Variants in SOX5 observed in about 807,000 individuals in gnomAD.
The protein encoded by SOX5 is SRY-box transcription factor 5.
Under a neutral mutation model 92.0 loss-of-function variants are expected in SOX5, and 9 were observed. The observed-to-expected ratio is 0.10, with a 90% CI of 0.06 to 0.17. The LOEUF (loss-of-function observed/expected upper bound fraction) is 0.17. Among genes scored for constraint, SOX5 ranks in the 10% least tolerant of loss-of-function variants. The pLI is 1.00. For synonymous variants in SOX5, 344 were observed against 336.3 expected, an observed-to-expected ratio of 1.02 and a Z score of -0.25; for missense variants, 642 against 944.5, an observed-to-expected ratio of 0.68 and a Z score of 4.20.
chr12:23,847,331 T>G (rs117846426), intron 2 of SOX5, among the ~76,000 whole-genome samples: 5,411 of 152,232 alleles, frequency 0.036, 114 homozygotes, highest in South Asian at 0.055. Context: ...TATTTAATAT[T>G]CAGGATATTA....
chr12:23,975,628 T>C (rs1948814529), intron 4 of SOX5, among the ~76,000 whole-genome samples: 1 of 152,212 alleles, frequency 6.6e-6, no homozygotes, highest in African/African-American at 2.4e-5. Flanking sequence ...TGGGATTACA[T>C]CCTGTCTCTG....
chr12:24,438,283 G>T (rs991802906), intron 1 of SOX5, among the ~76,000 whole-genome samples: 1 of 152,112 alleles, frequency 6.6e-6, no homozygotes, highest in Non-Finnish European at 1.5e-5. Context: ...GGCCTGTCAG[G>T]GTTGGGGTGC....
chr12:24,047,989 G>A (rs950781430), intron 4 of SOX5, among the ~76,000 whole-genome samples: 3 of 152,088 alleles, frequency 2.0e-5, no homozygotes, highest in Non-Finnish European at 4.4e-5. Context: ...CAGCCAAGAA[G>A]GTTCTCAGGT....
intron 1 of SOX5, among the ~76,000 whole-genome samples, chr12:24,553,827 G>A (rs1043034270): frequency 1.5e-4 from 23 of 152,326 alleles, no homozygotes; most frequent in Middle Eastern, 3.4e-3. Context: ...AAAATAAATA[G>A]AGGACCTATG....
intron 1 of SOX5, among the ~76,000 whole-genome samples, chr12:24,551,532 G>C (rs914917333): frequency 6.6e-6 from 1 of 152,168 alleles, no homozygotes; most frequent in African/African-American, 2.4e-5. Context: ...TGGAAGCGCT[G>C]TCGTTTGTTC....
intron 1 of SOX5, among the ~76,000 whole-genome samples, chr12:24,545,020 G>A (rs1427015560): frequency 6.6e-6 from 1 of 152,014 alleles, no homozygotes; most frequent in East Asian, 1.9e-4. Flanking sequence ...TTTATTGACG[G>A]TTTATATACA....
At chr12:24,063,464 C>T (rs947756952) in intron 4 of SOX5, among the ~76,000 whole-genome samples, 2 of 152,174 alleles carry the variant, frequency 1.3e-5, no homozygotes, top group South Asian at 4.1e-4. Context: ...CAAAGACTGG[C>T]TCCTTCCCAG....
At chr12:23,857,240 C>T (rs2096703414) in intron 2 of SOX5, among the ~76,000 whole-genome samples, 1 of 152,060 alleles carries the variant, frequency 6.6e-6, no homozygotes, top group Non-Finnish European at 1.5e-5. Flanking sequence ...TACATTTGAC[C>T]TAGCAGGCAA....
At chr12:24,247,801 C>T (rs1939174073) in intron 3 of SOX5, among the ~76,000 whole-genome samples, 1 of 151,702 alleles carries the variant, frequency 6.6e-6, no homozygotes, top group South Asian at 2.1e-4. Flanking sequence ...CAGGTGCCCG[C>T]TACTACACCT....
At chr12:23,686,217 T>C (rs1301930123) in intron 6 of SOX5, among the ~76,000 whole-genome samples, 1 of 152,162 alleles carries the variant, frequency 6.6e-6, no homozygotes, top group African/African-American at 2.4e-5. Context: ...AAATTTATGC[T>C]AAAGAATGAG....
At chr12:23,728,155 A>T (rs1593741549) in intron 6 of SOX5, among the ~76,000 whole-genome samples, 1 of 152,196 alleles carries the variant, frequency 6.6e-6, no homozygotes, top group Admixed American at 6.5e-5. Flanking sequence ...CATCCAGAAA[A>T]TACAAAGAAG....
intron 1 of SOX5, among the ~76,000 whole-genome samples, chr12:24,446,186 A>G: frequency 6.6e-6 from 1 of 152,216 alleles, no homozygotes; most frequent in East Asian, 1.9e-4. Flanking sequence ...GCAGGCAGAT[A>G]ACAAATGACT....
At chr12:24,511,499 T>G (rs1033078152) in intron 1 of SOX5, among the ~76,000 whole-genome samples, 1 of 152,212 alleles carries the variant, frequency 6.6e-6, no homozygotes, top group Non-Finnish European at 1.5e-5. Flanking sequence ...TTTTTAAAGC[T>G]TCTATGACTT....
intron 3 of SOX5, among the ~76,000 whole-genome samples, chr12:23,840,851 C>T (rs1353987495): frequency 6.6e-6 from 1 of 151,962 alleles, no homozygotes; most frequent in Non-Finnish European, 1.5e-5. Flanking sequence ...AAAGGGATCA[C>T]AGACCTAAAT....
intron 3 of SOX5, among the ~76,000 whole-genome samples, chr12:24,219,198 G>T (rs1347986090): frequency 6.6e-6 from 1 of 151,980 alleles, no homozygotes; most frequent in South Asian, 2.1e-4. Context: ...GATTAATAGG[G>T]TTCAAAAATA....
At chr12:23,975,898 A>T (rs1948835849) in intron 4 of SOX5, among the ~76,000 whole-genome samples, 2 of 152,196 alleles carry the variant, frequency 1.3e-5, no homozygotes, top group Admixed American at 6.5e-5. Flanking sequence ...TTCTTAACTT[A>T]TAGATAAAAT....
At chr12:24,371,999 A>AAG (rs549724316) in intron 1 of SOX5, among the ~76,000 whole-genome samples, 11 of 151,510 alleles carry the variant, frequency 7.3e-5, no homozygotes, top group Middle Eastern at 3.4e-3. Flanking sequence ...AAAAAAAAAA[A>AAG]AGAGAGAGAG....
chr12:24,287,084 G>T (rs990745156), intron 2 of SOX5, among the ~76,000 whole-genome samples: 1 of 152,126 alleles, frequency 6.6e-6, no homozygotes, highest in Non-Finnish European at 1.5e-5. Context: ...AGTCCCCGAA[G>T]TTCAGGTGGA....
chr12:23,887,118 A>AT (rs940370713), intron 2 of SOX5, among the ~76,000 whole-genome samples: 3 of 152,228 alleles, frequency 2.0e-5, no homozygotes, highest in African/African-American at 4.8e-5. Flanking sequence ...AAACTTAATC[A>AT]TAAAACCAAC....
Sources: gnomAD v4.1 joint callset for allele counts (sites outside exome capture counted in the v4.1 genomes callset) on GRCh38, gnomAD v4.1.1 for gene constraint, MANE v1.5 for transcripts, NCBI Gene and HGNC (gene_info 2026-07-23, HGNC 2026-07-21) for gene names.